The following LRP8 variants were observed in gnomAD, a reference collection of about 807,000 sequenced individuals.
The protein encoded by LRP8 is LDL receptor related protein 8, also known as low-density lipoprotein receptor-related protein 8.
LRP8 carries 46 observed loss-of-function variants against 111.6 expected under a neutral mutation model. That is an observed-to-expected ratio of 0.41 (90% CI 0.33 to 0.53). The LOEUF is 0.53. Among genes scored for constraint, LRP8 ranks in the 20% least tolerant of loss-of-function variants. LRP8 has a pLI of 0.20. For missense variants in LRP8, 959 were observed against 1,297.4 expected (o/e 0.74, Z 4.01); for synonymous variants, 464 against 511.2 (o/e 0.91, Z 1.24).
intron 2 of LRP8, 165 bp from the exon 3 acceptor site, chr1:53,289,854 C>T (rs955181492): frequency 2.5e-5 from 21 of 836,640 alleles, no homozygotes; most frequent in African/African-American, 3.4e-5. Context: ...CTGAACACTG[C>T]GTGAAGACAG....
At chr1:53,311,856 TC>T (rs1258300253) in intron 2 of LRP8, among the ~76,000 whole-genome samples, 1 of 152,110 alleles carries the variant, frequency 6.6e-6, no homozygotes, top group African/African-American at 2.4e-5. Flanking sequence ...GGGCTCAGTG[TC>T]CCCATCTGTA....
chr1:53,325,144 T>G (rs1384932661), intron 2 of LRP8, among the ~76,000 whole-genome samples: 1 of 152,160 alleles, frequency 6.6e-6, no homozygotes, highest in Non-Finnish European at 1.5e-5. Flanking sequence ...GGAAACTCAC[T>G]GCAATATTTT....
Position 53,271,447 on chromosome 1 carries a change from G to T in LRP8, c.1007-101C>A. 2.2e-6 allele frequency: 3 copies of T among 1,348,726 alleles called. No homozygotes were observed. The South Asian group carries it at 3.7e-5, about 17-fold the overall frequency. 83.5% of individuals were successfully genotyped at this position (1,348,726 alleles called of 1,614,324 possible). A position where few individuals can be genotyped will look rare whatever the true frequency, so the allele number is the denominator to read the frequency against. On this transcript the variant is annotated intron_variant, in intron 6 of 18. Coordinates refer to ENST00000306052, the MANE Select transcript of LRP8 (RefSeq NM_004631.5). Reference sequence around the variant, plus strand: ...CAGAAGCAGAGCCTCAGGGCAGTGGGACTCCCATAGAGGCAGGAGGGCTCC... The same window carrying T: ...CAGAAGCAGAGCCTCAGGGCAGTGGTACTCCCATAGAGGCAGGAGGGCTCC...
At chr1:53,277,570 G>T (rs1646968342) in intron 4 of LRP8, among the ~76,000 whole-genome samples, 1 of 152,168 alleles carries the variant, frequency 6.6e-6, no homozygotes, top group Admixed American at 6.5e-5. Flanking sequence ...ACTCCTGAAT[G>T]TTCGCAGCTC....
At chr1:53,312,851 G>A (rs1412404926) in intron 2 of LRP8, among the ~76,000 whole-genome samples, 1 of 152,182 alleles carries the variant, frequency 6.6e-6, no homozygotes, top group Non-Finnish European at 1.5e-5. Flanking sequence ...AACTGGGATA[G>A]TTCTGAGCAG....
chr1:53,316,918 C>T (rs151202693), intron 2 of LRP8, among the ~76,000 whole-genome samples: 3 of 152,278 alleles, frequency 2.0e-5, no homozygotes, highest in Non-Finnish European at 2.9e-5. Context: ...TTCCCCACCA[C>T]GACGGCCTGG....
intron 2 of LRP8, among the ~76,000 whole-genome samples, chr1:53,308,090 G>A (rs1652320033): frequency 6.6e-6 from 1 of 152,208 alleles, no homozygotes; most frequent in Admixed American, 6.5e-5. Flanking sequence ...CAGTCCCTGC[G>A]GAGGCTGCTG....
rs1289038585 is a variant in LRP8 at position 53,264,166 on chromosome 1, C to A, written c.1655+3G>T. ...GAATGGGAAGTTCAGTTGGGACACT[C>A]ACCCTCGCAGGGGGTCAACAGCGAT... On this transcript the variant is annotated splice_donor_region_variant and intron_variant, in intron 10 of 18. Transcript: ENST00000306052. The A allele has an allele frequency of 1.9e-6, 3 of 1,613,650 alleles. No homozygotes were observed. Among genetic ancestry groups the A allele is most frequent in the Middle Eastern group, 1.6e-4 (1 of 6,084 alleles).
At chr1:53,258,037 AC>A (rs1646169339) in intron 14 of LRP8, 2 of 270,352 alleles carry the variant, frequency 7.4e-6, no homozygotes, top group East Asian at 1.5e-4. Context: ...AGGGTTCTTA[AC>A]TTGAGGTTTT....
intron 2 of LRP8, among the ~76,000 whole-genome samples, chr1:53,310,485 G>A (rs1040712340): frequency 8.5e-5 from 13 of 152,226 alleles, no homozygotes; most frequent in Non-Finnish European, 1.5e-5. Flanking sequence ...ATGAGATGCT[G>A]CCTGGCACAG....
intron 2 of LRP8, among the ~76,000 whole-genome samples, chr1:53,316,921 C>T (rs1162157592): frequency 2.0e-5 from 3 of 152,296 alleles, no homozygotes; most frequent in South Asian, 2.1e-4. Flanking sequence ...CCCACCACGA[C>T]GGCCTGGTGG....
At chr1:53,295,933 G>A (rs768843134) in intron 2 of LRP8, among the ~76,000 whole-genome samples, 1 of 152,172 alleles carries the variant, frequency 6.6e-6, no homozygotes, top group African/African-American at 2.4e-5. Context: ...GGACTAGCCC[G>A]TGTTGACACA....
chr1:53,260,546 A>G lies in LRP8; in HGVS notation c.1974T>C (p.Asn658=), dbSNP rs370567395. The G allele has an allele frequency of 1.1e-5, 18 of 1,614,110 alleles. No homozygotes were observed. Among genetic ancestry groups the G allele is most frequent in the African/African-American group, 5.3e-5 (4 of 74,942 alleles). Residue 658 remains asparagine (N), a synonymous_variant, in exon 13 of 19, where the codon AAT becomes AAC. Transcript: ENST00000306052. ...CAGCCAGGATGGAGATTTCCAGGCC[A>G]TTGAGCCGATTTGCACTGAAAATGG... is the stretch of plus-strand genomic sequence containing the variant. The part of the protein sequence containing the change: ...NEAIFSANRL[N]GLEISILAEN...
Position 53,257,324 on chromosome 1 carries a change from C to G in LRP8, c.2350G>C (p.Val784Leu), listed in dbSNP as rs373586677. The G allele has an allele frequency of 1.2e-5, 19 of 1,614,056 alleles. No individual in the cohort carries two copies. The African/African-American group carries it at 2.3e-4, about 19-fold the overall frequency. ...CTGGGGACACTAACTGAGCTTGGGA[C>G]TGCAGCTGTCAGGCTTGGTGTCTCT... ...STETPSLTAA[V>L]PSSVSVPRAP... The change falls in exon 15 of 19, where the codon GTC (valine) becomes CTC (leucine). Residue 784 changes from valine to leucine, a missense_variant. By Grantham distance (32) the Val-to-Leu change is conservative. Around this residue, in one of 3 missense-constraint regions of LRP8, gnomAD observed 819 missense variants for 1,097.6 expected, o/e 0.75. Coordinates refer to ENST00000306052, the MANE Select transcript of LRP8 (RefSeq NM_004631.5).
chr1:53,320,083 A>T (rs1219526665), intron 2 of LRP8, among the ~76,000 whole-genome samples: 1 of 152,250 alleles, frequency 6.6e-6, no homozygotes, highest in African/African-American at 2.4e-5. Flanking sequence ...ATGATACCTC[A>T]AGGCACCGGC....
intron 5 of LRP8, 70 bp downstream of exon 5, chr1:53,276,622 C>CTGGCGGATCCGGATCGGA: frequency 7.7e-7 from 1 of 1,297,852 alleles, no homozygotes; most frequent in South Asian, 1.4e-5. Context: ...AAGCCTGCAC[C>CTGGCGGATCCGGATCGGA]TGGCGGATCC....
At chr1:53,283,577 T>G (rs1350942040) in intron 3 of LRP8, among the ~76,000 whole-genome samples, 4 of 100,068 alleles carry the variant, frequency 4.0e-5, no homozygotes, top group African/African-American at 1.3e-4. Context: ...CCCGGGCCAC[T>G]TACTTACTAC....
At chr1:53,324,871 C>T (rs1008696907) in intron 2 of LRP8, among the ~76,000 whole-genome samples, 2 of 152,190 alleles carry the variant, frequency 1.3e-5, no homozygotes, top group East Asian at 3.8e-4. Context: ...GCCCTGAACT[C>T]GAGGCAGGCA....
intron 12 of LRP8, among the ~76,000 whole-genome samples, chr1:53,261,341 G>C (rs551652546): frequency 6.6e-6 from 1 of 152,354 alleles, no homozygotes; most frequent in East Asian, 1.9e-4. Flanking sequence ...CTTTAAAGCA[G>C]GGGCTGGACT....
Sources: allele counts gnomAD v4.1 joint callset (sites outside exome capture counted in the v4.1 genomes callset), GRCh38; gene constraint gnomAD v4.1.1; regional missense constraint gnomAD v4.1.1; transcripts MANE v1.5; gene names NCBI Gene and HGNC (gene_info 2026-07-23, HGNC 2026-07-21).